Variants in SLC8A3 observed in about 807,000 individuals in gnomAD.
The protein encoded by SLC8A3 is solute carrier family 8 member A3.
A neutral mutation model predicts 65.4 loss-of-function variants in SLC8A3; 37 were observed. The ratio of observed to expected loss-of-function variants is 0.57; its 90% CI spans 0.44 to 0.74. The LOEUF (loss-of-function observed/expected upper bound fraction) is 0.74, where lower values mean the gene tolerates loss of function less well. SLC8A3 is among the 30% of genes least tolerant of loss of function. SLC8A3 has a pLI of 0.00. For synonymous variants in SLC8A3, 461 were observed against 444.5 expected, an observed-to-expected ratio of 1.04 and a Z score of -0.47; for missense variants, 1,112 against 1,172.1, an observed-to-expected ratio of 0.95 and a Z score of 0.75.
chr14:70,056,282 C>A (rs1004499064), intron 3 of SLC8A3, among the ~76,000 whole-genome samples: 3 of 152,158 alleles, frequency 2.0e-5, no homozygotes, highest in African/African-American at 7.2e-5. Flanking sequence ...AATGGGAGCT[C>A]AAGGAAATGG....
At chr14:70,079,579 CTA>C (rs1566763788) in intron 2 of SLC8A3, among the ~76,000 whole-genome samples, 1 of 152,106 alleles carries the variant, frequency 6.6e-6, no homozygotes, top group Non-Finnish European at 1.5e-5. Context: ...CTTAGGGCTT[CTA>C]ATCACACCCT....
intron 2 of SLC8A3, among the ~76,000 whole-genome samples, chr14:70,145,678 A>G (rs991452441): frequency 1.3e-5 from 2 of 152,216 alleles, no homozygotes; most frequent in African/African-American, 4.8e-5. Context: ...TTGGGGAAAT[A>G]AAAGTCTATG....
At chr14:70,108,809 C>T (rs1449875704) in intron 2 of SLC8A3, among the ~76,000 whole-genome samples, 1 of 152,232 alleles carries the variant, frequency 6.6e-6, no homozygotes, top group Non-Finnish European at 1.5e-5. Context: ...TACTTCCCTG[C>T]CTCTCCGCCC....
intron 3 of SLC8A3, among the ~76,000 whole-genome samples, chr14:70,052,532 T>C (rs1566735114): frequency 6.6e-6 from 1 of 152,218 alleles, no homozygotes; most frequent in Non-Finnish European, 1.5e-5. Context: ...GTACATTTAT[T>C]CAAAGGAAAT....
chr14:70,079,330 C>CAAAAAAAAAAAAAAAAAAAA (rs11464342), intron 2 of SLC8A3, among the ~76,000 whole-genome samples: 2 of 80,928 alleles, frequency 2.5e-5, no homozygotes, highest in African/African-American at 4.7e-5. Flanking sequence ...CTAAAAAATA[C>CAAAAAAAAAAAAAAAAAAAA]AAAAAAAAAA....
chr14:70,165,844 C>T (rs1897133624), intron 2 of SLC8A3, among the ~76,000 whole-genome samples: 1 of 152,166 alleles, frequency 6.6e-6, no homozygotes, highest in Non-Finnish European at 1.5e-5. Flanking sequence ...AAGAGAGGAC[C>T]ACACAGAAGA....
chr14:70,136,928 A>G (rs1895236258), intron 2 of SLC8A3, among the ~76,000 whole-genome samples: 1 of 152,190 alleles, frequency 6.6e-6, no homozygotes, highest in African/African-American at 2.4e-5. Context: ...AATGCATGCT[A>G]CTTTTAAGGC....
At chr14:70,088,447 G>A (rs1337939186) in intron 2 of SLC8A3, among the ~76,000 whole-genome samples, 2 of 152,134 alleles carry the variant, frequency 1.3e-5, no homozygotes, top group Admixed American at 1.3e-4. Flanking sequence ...TCAGGTAACG[G>A]CTCCTTCCCC....
At chr14:70,060,629 C>CA in intron 3 of SLC8A3, 1 of 710,328 alleles carries the variant, frequency 1.4e-6, no homozygotes. Context: ...GCTAAGAAGG[C>CA]AGAGATGATA....
chr14:70,137,312 C>A (rs1895267146), intron 2 of SLC8A3, among the ~76,000 whole-genome samples: 1 of 152,014 alleles, frequency 6.6e-6, no homozygotes, highest in South Asian at 2.1e-4. Flanking sequence ...GCCACCATGC[C>A]TGGCTAGTTT....
intron 1 of SLC8A3, among the ~76,000 whole-genome samples, chr14:70,184,497 A>C (rs962231688): frequency 6.6e-6 from 1 of 151,976 alleles, no homozygotes; most frequent in African/African-American, 2.4e-5. Context: ...CACTCATAAC[A>C]CTTTCTCCCT....
chr14:70,168,386 A>G lies in SLC8A3; in HGVS notation c.37T>C (p.Phe13Leu). The G allele has an allele frequency of 6.2e-7, 1 of 1,614,126 alleles. No individual in the cohort carries two copies. Among genetic ancestry groups the G allele is most frequent in the Non-Finnish European group, 8.5e-7 (1 of 1,179,998 alleles). Residue 13 changes from phenylalanine (F) to leucine (L), a missense_variant, in exon 2 of 7, where the codon TTC becomes CTC. Physicochemically the swap from Phe to Leu is conservative, Grantham distance 22. Coordinates refer to ENST00000356921, the MANE Select transcript of SLC8A3 (RefSeq NM_182932.3). ...AAGGTAACCAGCCCAAAATGGAGGA[A>G]GGCAGAGGTGAGAGGCTGCAACCTT... Reference protein sequence around the residue: ...WLRLQPLTSAFLHFGLVTFVL... With the variant: ...WLRLQPLTSALLHFGLVTFVL...
chr14:70,046,066 C>T lies in SLC8A3; in HGVS notation c.2647G>A (p.Gly883Arg), dbSNP rs1476738820. 4 of 1,614,156 alleles carry T rather than the reference C, an allele frequency of 2.5e-6. No individual in the cohort carries two copies. Among genetic ancestry groups the T allele is most frequent in the Non-Finnish European group, 3.4e-6 (4 of 1,180,014 alleles). Reference protein sequence around the residue: ...LLYRRRPHLGGELGGPRGCKL... With the variant: ...LLYRRRPHLGRELGGPRGCKL... ...CAGCCACGGGGGCCACCAAGCTCCC[C>T]TCCCAGGTGCGGCCGCCTTCGGTAC... The change falls in exon 7 of 7, where the codon GGG (glycine) becomes AGG (arginine). Residue 883 changes from glycine (G) to arginine (R), a missense_variant. Gly to Arg is a moderately radical substitution (Grantham distance 125). Transcript: ENST00000356921. The surrounding 1 kb of genome is among the most constrained non-coding windows in gnomAD (Gnocchi z 4.2).
chr14:70,100,756 A>G lies in SLC8A3; in HGVS notation c.1785-39817T>C, dbSNP rs892287236. Among the ~76,000 whole-genome samples, 4 of 152,126 alleles carry G rather than the reference A, an allele frequency of 2.6e-5. No homozygotes were observed. In the East Asian group the frequency reaches 7.7e-4, roughly 29 times the overall value. On this transcript the variant is annotated intron_variant, in intron 2 of 6. Transcript: ENST00000356921. ...TTTGCCCTATAAAGTAAGGATAGAAAGAACCCAAGAGAATGGAAGATGAAG... is the reference window on the plus strand; with the variant it reads ...TTTGCCCTATAAAGTAAGGATAGAAGGAACCCAAGAGAATGGAAGATGAAG...
chr14:70,106,420 CT>C (rs1442618453), intron 2 of SLC8A3, among the ~76,000 whole-genome samples: 1 of 151,988 alleles, frequency 6.6e-6, no homozygotes, highest in Non-Finnish European at 1.5e-5. Flanking sequence ...TAACAGAAAT[CT>C]TAGTATTTAG....
At chr14:70,142,445 A>C (rs1256756853) in intron 2 of SLC8A3, among the ~76,000 whole-genome samples, 1 of 152,226 alleles carries the variant, frequency 6.6e-6, no homozygotes, top group East Asian at 1.9e-4. Context: ...ACAACTTTGC[A>C]AATTTGTGTG....
In SLC8A3 at chr14:70,046,163, C is replaced by T; in HGVS notation, c.2550G>A (p.Val850=). ...YWALQGQEFH[V]SAGTLAFSVT... ...CGGAGAAGGCCAGTGTGCCGGCCGA[C>T]ACGTGGAACTCCTGTCCCTGCAGAG... is the stretch of plus-strand genomic sequence containing the variant. Residue 850 remains valine, a synonymous_variant, in exon 7 of 7, where the codon GTG becomes GTA. Transcript: ENST00000356921. This position sits in a 1 kb window ranked among gnomAD's most constrained non-coding sequence, Gnocchi z 4.2. 6.2e-7 allele frequency: 1 copy of T among 1,614,196 alleles called. No homozygotes were observed.
At chr14:70,083,226 C>A (rs755416221) in intron 2 of SLC8A3, among the ~76,000 whole-genome samples, 1 of 152,178 alleles carries the variant, frequency 6.6e-6, no homozygotes, top group African/African-American at 2.4e-5. Context: ...AAGCATGAAG[C>A]CTTCTGATGA....
In SLC8A3 at chr14:70,044,938, A is replaced by G. The variant is rs1362139014; in HGVS notation, c.*1009T>C. On this transcript the variant is annotated 3_prime_UTR_variant, in exon 7 of 7. Transcript: ENST00000356921. Reference sequence around the variant, plus strand: ...ACATCTCTTCTCTCCTGCCTCAGGTACAAAGCCAAAGATAATCAAGAAGGC... The same window carrying G: ...ACATCTCTTCTCTCCTGCCTCAGGTGCAAAGCCAAAGATAATCAAGAAGGC... The G allele has an allele frequency of 6.6e-6, 1 of 152,218 alleles. No homozygotes were observed. The highest frequency in any genetic ancestry group is 1.5e-5 in the Non-Finnish European group (1 of 68,030). 9.4% of individuals were successfully genotyped at this position (152,218 alleles called of 1,614,324 possible). A position where few individuals can be genotyped will look rare whatever the true frequency, so the allele number is the denominator to read the frequency against.
Sources: allele counts gnomAD v4.1 joint callset (sites outside exome capture counted in the v4.1 genomes callset), GRCh38; gene constraint gnomAD v4.1.1; non-coding constraint Gnocchi (gnomAD v3.1); transcripts MANE v1.5; gene names NCBI Gene and HGNC (gene_info 2026-07-23, HGNC 2026-07-21).